LNPK: variants seen among roughly 807,000 people sequenced by gnomAD.
LNPK encodes the protein endoplasmic reticulum junction formation protein lunapark.
LNPK carries 29 observed loss-of-function variants against 55.2 expected under a neutral mutation model. The observed-to-expected ratio is 0.53, with a 90% confidence interval of 0.39 to 0.72. The LOEUF (loss-of-function observed/expected upper bound fraction) is 0.72, where lower values mean the gene tolerates loss of function less well. Among genes scored for constraint, LNPK ranks in the 30% least tolerant of loss-of-function variants. The probability of loss-of-function intolerance (pLI) is 0.00; values close to 1 mark genes in which losing one functional copy is unlikely to be tolerated. For synonymous variants in LNPK, 162 were observed against 168.2 expected, an observed-to-expected ratio of 0.96 and a Z score of 0.29; for missense variants, 467 against 494.8, an observed-to-expected ratio of 0.94 and a Z score of 0.53.
At position 175,929,742 on chromosome 2, in the gene LNPK, G is replaced by T; in HGVS notation, c.*225C>A. On this transcript the variant is annotated 3_prime_UTR_variant, in exon 13 of 13. Transcript: ENST00000272748. ...ATCTAAAAGCTGTCTCAATAGTGTG[G>T]GTCTTTGTACATTCAAAAGGATCTT... 6 of 1,379,742 alleles carry T rather than the reference G, an allele frequency of 4.3e-6. No individual in the cohort carries two copies. Among genetic ancestry groups the T allele is most frequent in the Non-Finnish European group, 5.6e-6 (6 of 1,071,046 alleles). The allele number at this position is 1,379,742 out of a possible 1,614,324, so 85.5% of individuals were successfully genotyped here. A position where few individuals can be genotyped will look rare whatever the true frequency, so the allele number is the denominator to read the frequency against.
Position 175,938,356 on chromosome 2 carries a change from A to G in LNPK, c.840T>C (p.Phe280=), listed in dbSNP as rs1281807231. The change falls in exon 11 of 13, where the codon TTT becomes TTC. Residue 280 remains phenylalanine, a synonymous_variant. Coordinates refer to ENST00000272748, the MANE Select transcript of LNPK (RefSeq NM_030650.3). ...NRYALICQQC[F]SHNGMALKEE... ...CCTTCAAAGCCATGCCATTATGAGAAAAACACTGCTGACATATAAGTGCAT... is the reference window on the plus strand; with the variant it reads ...CCTTCAAAGCCATGCCATTATGAGAGAAACACTGCTGACATATAAGTGCAT... 1.2e-6 allele frequency: 2 copies of G among 1,603,272 alleles called. No homozygotes were observed. Among genetic ancestry groups the G allele is most frequent in the African/African-American group, 2.7e-5 (2 of 74,636 alleles).
chr2:175,982,275 A>G (rs1687209950), intron 4 of LNPK, among the ~76,000 whole-genome samples: 1 of 152,212 alleles, frequency 6.6e-6, no homozygotes, highest in African/African-American at 2.4e-5. Context: ...AGTGGCTAGA[A>G]TTCTGTAGGA....
intron 4 of LNPK, among the ~76,000 whole-genome samples, chr2:175,990,754 G>C (rs1254299458): frequency 1.3e-5 from 2 of 152,148 alleles, no homozygotes; most frequent in East Asian, 3.9e-4. Flanking sequence ...GCTTCAAAAA[G>C]TGAAAAGCTC....
chr2:175,997,815 A>G (rs1258491667), intron 1 of LNPK, among the ~76,000 whole-genome samples: 1 of 151,244 alleles, frequency 6.6e-6, no homozygotes, highest in Non-Finnish European at 1.5e-5. Flanking sequence ...GGCTCAATAC[A>G]ACCTCCATCT....
chr2:175,930,238 AC>A (rs2105507443), intron 12 of LNPK, 39 bp from the exon 13 acceptor site: 1 of 1,554,442 alleles, frequency 6.4e-7, no homozygotes, highest in East Asian at 2.3e-5. Flanking sequence ...GAATACCTGA[AC>A]GTTAAAACTG....
At chr2:175,991,806 A>G (rs142358994) in intron 4 of LNPK, among the ~76,000 whole-genome samples, 155 of 152,322 alleles carry the variant, frequency 1.0e-3, no homozygotes, top group African/African-American at 3.3e-3. Flanking sequence ...ATAAGGGTCA[A>G]TTGCTTTATA....
intron 6 of LNPK, among the ~76,000 whole-genome samples, chr2:175,970,184 C>G (rs935546225): frequency 6.6e-6 from 1 of 152,112 alleles, no homozygotes; most frequent in Non-Finnish European, 1.5e-5. Flanking sequence ...ATATCTAGAG[C>G]GCCTTCTGTC....
Position 175,934,226 on chromosome 2 carries a change from G to A in LNPK, c.1054+3118C>T, listed in dbSNP as rs539221059. 3.9e-5 allele frequency among the ~76,000 whole-genome samples: 6 copies of A among 152,228 alleles called. No homozygotes were observed. The South Asian group carries it at 1.2e-3, about 32-fold the overall frequency. On this transcript the variant is annotated intron_variant, in intron 12 of 12. Coordinates refer to ENST00000272748, the MANE Select transcript of LNPK (RefSeq NM_030650.3). The stretch of plus-strand genomic sequence containing the variant: ...ATTTAATGGATCTGGTAAATACATG[G>A]AATACAACAAAATTTACATTATCAA...
At position 175,924,608 on chromosome 2, in the gene LNPK, T is replaced by C. The variant is rs1171455510; in HGVS notation, c.*5359A>G. 1 of 151,838 alleles carries C rather than the reference T, an allele frequency of 6.6e-6. No individual in the cohort carries two copies. The highest frequency in any genetic ancestry group is 2.4e-5 in the African/African-American group (1 of 41,282). 9.4% of individuals were successfully genotyped at this position (151,838 alleles called of 1,614,324 possible). On this transcript the variant is annotated 3_prime_UTR_variant, in exon 13 of 13. Coordinates refer to ENST00000272748, the MANE Select transcript of LNPK (RefSeq NM_030650.3). ...GTTCTGGCTTGGCTCAGGTGCCTGC[T>C]ATCCCTATGACCCTGTGTCTTAGCC...
intron 5 of LNPK, among the ~76,000 whole-genome samples, chr2:175,978,920 T>C (rs1338412018): frequency 6.6e-6 from 1 of 152,138 alleles, no homozygotes; most frequent in Non-Finnish European, 1.5e-5. Context: ...TAGGATCTAA[T>C]GTGAGCAGAA....
chr2:175,967,199 G>A (rs1559054629), intron 6 of LNPK, among the ~76,000 whole-genome samples: 1 of 152,090 alleles, frequency 6.6e-6, no homozygotes, highest in Non-Finnish European at 1.5e-5. Context: ...TATCGTTAGT[G>A]TTAAAGAATG....
intron 1 of LNPK, among the ~76,000 whole-genome samples, chr2:175,996,289 T>C (rs1017589263): frequency 1.3e-5 from 2 of 152,246 alleles, no homozygotes; most frequent in Non-Finnish European, 2.9e-5. Context: ...TTTACCATAC[T>C]ACTTTCATAC....
chr2:175,965,867 A>C (rs1686306503), intron 6 of LNPK, among the ~76,000 whole-genome samples: 2 of 152,112 alleles, frequency 1.3e-5, no homozygotes, highest in Admixed American at 1.3e-4. Context: ...AATCAACATA[A>C]TCTACATGGA....
In LNPK at chr2:175,993,162, C is replaced by T. The variant is rs1687777900; in HGVS notation, c.69+20G>A. Reference sequence around the variant, plus strand: ...TAATACCTAAAATGAATTAAAATACCTCACAGCCAAAGAACATACCTTATC... The same window carrying T: ...TAATACCTAAAATGAATTAAAATACTTCACAGCCAAAGAACATACCTTATC... On this transcript the variant is annotated intron_variant, in intron 3 of 12. Coordinates refer to ENST00000272748, the MANE Select transcript of LNPK (RefSeq NM_030650.3). 6.8e-7 allele frequency: 1 copy of T among 1,467,870 alleles called. No individual in the cohort carries two copies. Among genetic ancestry groups the T allele is most frequent in the Non-Finnish European group, 9.3e-7 (1 of 1,071,874 alleles). 90.9% of individuals were successfully genotyped at this position (1,467,870 alleles called of 1,614,324 possible). A position where few individuals can be genotyped will look rare whatever the true frequency, so the allele number is the denominator to read the frequency against.
intron 12 of LNPK, among the ~76,000 whole-genome samples, chr2:175,935,135 T>C (rs1382594159): frequency 2.0e-5 from 3 of 152,312 alleles, no homozygotes; most frequent in African/African-American, 7.2e-5. Flanking sequence ...TTACTGATAT[T>C]TGTTTAAAGA....
chr2:175,957,643 C>A (rs1685762375), intron 8 of LNPK, among the ~76,000 whole-genome samples: 1 of 152,128 alleles, frequency 6.6e-6, no homozygotes, highest in Admixed American at 6.5e-5. Flanking sequence ...GCACGATCAA[C>A]ACAGAAGACA....
At chr2:175,994,160 G>A (rs917699648) in intron 2 of LNPK, 3 of 977,834 alleles carry the variant, frequency 3.1e-6, no homozygotes, top group Non-Finnish European at 3.6e-6. Context: ...AATCCAAGAG[G>A]GTAATGAATA....
chr2:175,984,935 T>C (rs922513083), intron 4 of LNPK, among the ~76,000 whole-genome samples: 1 of 152,230 alleles, frequency 6.6e-6, no homozygotes, highest in African/African-American at 2.4e-5. Flanking sequence ...TTATTTGTAA[T>C]AGCAAGAACT....
chr2:175,974,565 A>G (rs1027238566), intron 5 of LNPK, among the ~76,000 whole-genome samples: 1 of 152,204 alleles, frequency 6.6e-6, no homozygotes, highest in Admixed American at 6.5e-5. Context: ...ACATGTCAAA[A>G]TATTATTCAT....
Sources: gnomAD v4.1 joint callset for allele counts (sites outside exome capture counted in the v4.1 genomes callset) on GRCh38, gnomAD v4.1.1 for gene constraint, MANE v1.5 for transcripts, NCBI Gene and HGNC (gene_info 2026-07-23, HGNC 2026-07-21) for gene names.